Variants in FYTTD1 observed in about 807,000 individuals in gnomAD.
FYTTD1 encodes UAP56-interacting factor.
In FYTTD1, 22 loss-of-function variants were observed where a neutral mutation model predicts 40.9. That is an observed-to-expected ratio of 0.54 (90% CI 0.38 to 0.77). The LOEUF is 0.77. FYTTD1 is among the 30% of genes least tolerant of loss of function. The probability of loss-of-function intolerance (pLI) is 0.00; values close to 1 mark genes in which losing one functional copy is unlikely to be tolerated. For missense variants in FYTTD1, 351 were observed against 392.2 expected (o/e 0.90, Z 0.89); for synonymous variants, 140 against 137.9 (o/e 1.01, Z -0.10).
intron 2 of FYTTD1, among the ~76,000 whole-genome samples, chr3:197,762,424 A>G (rs1729415081): frequency 6.6e-6 from 1 of 151,622 alleles, no homozygotes; most frequent in Non-Finnish European, 1.5e-5. Context: ...GCTTGTCTCT[A>G]CTAAAAATAT....
intron 2 of FYTTD1, among the ~76,000 whole-genome samples, chr3:197,759,158 C>T (rs551878338): frequency 1.6e-3 from 194 of 122,064 alleles, no homozygotes; most frequent in African/African-American, 4.5e-3. Context: ...AGAGTTGTTC[C>T]TCAGTGGTAG....
chr3:197,764,291 TCTTA>T (rs1377222926), intron 2 of FYTTD1, among the ~76,000 whole-genome samples: 3 of 152,244 alleles, frequency 2.0e-5, no homozygotes, highest in East Asian at 3.8e-4. Flanking sequence ...TATACATTTT[TCTTA>T]CTTTATGTAA....
intron 2 of FYTTD1, among the ~76,000 whole-genome samples, chr3:197,764,860 TG>T (rs575322156): frequency 3.2e-4 from 47 of 148,958 alleles, no homozygotes; most frequent in African/African-American, 1.0e-3. Context: ...TTTTTTTTTT[TG>T]GGGGGGGAGG....
chr3:197,751,126 T>C (rs1302980405), intron 1 of FYTTD1, among the ~76,000 whole-genome samples: 1 of 152,152 alleles, frequency 6.6e-6, no homozygotes, highest in Non-Finnish European at 1.5e-5. Flanking sequence ...GTGATAACTG[T>C]CTTGGAAACC....
rs1729678817 is a variant in FYTTD1, at chr3:197,770,231, C to G, written c.484C>G (p.Gln162Glu). ...AGTAGCAGTTCTCAAGAGACCTAGC[C>G]AGCTAAGCAGAAAGTAAGTGCTCAA... Reference protein sequence around the residue: ...KPVAVLKRPSQLSRKNNIPAN... With the variant: ...KPVAVLKRPSELSRKNNIPAN... The change falls in exon 4 of 9, where the codon CAG (glutamine) becomes GAG (glutamate). Residue 162 changes from glutamine (Q) to glutamate (E), a missense_variant. Physicochemically the swap from Gln to Glu is conservative, Grantham distance 29. Coordinates refer to ENST00000241502, the MANE Select transcript of FYTTD1 (RefSeq NM_032288.7). The G allele has an allele frequency of 6.2e-7, 1 of 1,603,924 alleles. No homozygotes were observed. The highest frequency in any genetic ancestry group is 2.2e-5 in the East Asian group (1 of 44,708).
At chr3:197,769,370 G>A (rs1258717624) in intron 3 of FYTTD1, among the ~76,000 whole-genome samples, 2 of 152,252 alleles carry the variant, frequency 1.3e-5, no homozygotes, top group Admixed American at 6.5e-5. Context: ...AAAGGCGTAA[G>A]CCACGGTGCC....
At position 197,761,685 on chromosome 3, in the gene FYTTD1, C is replaced by T. The variant is rs1729394285; in HGVS notation, c.235+5128C>T. ...CAGGTACCCTTGGGGATCCCTAAGACATGGGGGATCCACAAGATCAAAACT... is the reference window on the plus strand; with the variant it reads ...CAGGTACCCTTGGGGATCCCTAAGATATGGGGGATCCACAAGATCAAAACT... On this transcript the variant is annotated intron_variant, in intron 2 of 8. Transcript: ENST00000241502. Among the ~76,000 whole-genome samples the T allele has an allele frequency of 3.9e-5, 6 of 152,324 alleles. No individual in the cohort carries two copies. In the South Asian group the frequency reaches 1.2e-3, roughly 32 times the overall value.
At position 197,778,361 on chromosome 3, in the gene FYTTD1, G is replaced by C; in HGVS notation, c.755G>C (p.Arg252Pro). Residue 252 changes from arginine (R) to proline (P), a missense_variant, in exon 8 of 9, where the codon CGT (arginine) becomes CCT (proline). By Grantham distance (103) the Arg-to-Pro change is moderately radical (BLOSUM62 -2). Coordinates refer to ENST00000241502, the MANE Select transcript of FYTTD1 (RefSeq NM_032288.7). ...CPVTQKPRLT[R>P]TAVPSFLTKR... is the part of the protein sequence containing the mutation. ...AGAACTCAGAAACCACGATTAACTC[G>C]TACTGCTGTACCTTCATTTTTAACA... 6.2e-7 allele frequency: 1 copy of C among 1,607,266 alleles called. No individual in the cohort carries two copies.
In FYTTD1 at chr3:197,750,047, A is replaced by G; in HGVS notation, c.76A>G (p.Asn26Asp). 1 of 1,580,960 alleles carries G rather than the reference A, an allele frequency of 6.3e-7. No homozygotes were observed. Among genetic ancestry groups the G allele is most frequent in the South Asian group, 1.1e-5 (1 of 87,748 alleles). ...SPPPKARSNENLDKIDMSLDD... is the reference protein window; with the variant it reads ...SPPPKARSNEDLDKIDMSLDD... ...GCCGCCGAAGGCCCGCAGCAATGAAAACCTCGACAAAATAGATATGTCTTT... is the reference window on the plus strand; with the variant it reads ...GCCGCCGAAGGCCCGCAGCAATGAAGACCTCGACAAAATAGATATGTCTTT... The change falls in exon 1 of 9, where the codon AAC (asparagine) becomes GAC (aspartate). Residue 26 changes from asparagine to aspartate, a missense_variant. Coordinates refer to ENST00000241502, the MANE Select transcript of FYTTD1 (RefSeq NM_032288.7).
chr3:197,781,389 G>A lies in FYTTD1; in HGVS notation c.859-422G>A, dbSNP rs550896812. Among the ~76,000 whole-genome samples, 29 of 151,324 alleles carry A rather than the reference G, an allele frequency of 1.9e-4. No homozygotes were observed. In the South Asian group the frequency reaches 5.9e-3, roughly 31 times the overall value. ...TTGCTATTATTGTTTTCCAGAAATG[G>A]TATAGTTTGTAGATGCTGTTGTTAA... is the stretch of plus-strand genomic sequence containing the variant. On this transcript the variant is annotated intron_variant, in intron 8 of 8. Coordinates refer to ENST00000241502, the MANE Select transcript of FYTTD1 (RefSeq NM_032288.7).
chr3:197,752,101 C>A (rs1484803852), intron 1 of FYTTD1, among the ~76,000 whole-genome samples: 1 of 152,210 alleles, frequency 6.6e-6, no homozygotes, highest in African/African-American at 2.4e-5. Flanking sequence ...GTCTCGAACT[C>A]CTGACCTCAG....
intron 8 of FYTTD1, among the ~76,000 whole-genome samples, chr3:197,781,130 A>G (rs1730017081): frequency 6.6e-6 from 1 of 151,802 alleles, no homozygotes; most frequent in Non-Finnish European, 1.5e-5. Flanking sequence ...CCTGGTCAAC[A>G]TGGAAAAACC....
rs1730131105 is a variant in FYTTD1, at chr3:197,785,332, A to G, written c.*3423A>G. 4 of 152,200 alleles carry G rather than the reference A, an allele frequency of 2.6e-5. No homozygotes were observed. The highest frequency in any genetic ancestry group is 2.1e-4 in the South Asian group (1 of 4,826). The allele number at this position is 152,200 out of a possible 1,614,324, so 9.4% of individuals were successfully genotyped here. A position where few individuals can be genotyped will look rare whatever the true frequency, so the allele number is the denominator to read the frequency against. ...ATCTGTGTAAACGAAAAGTTGGCCC[A>G]CTGTGTACATGGATTTTCCATTCCA... On this transcript the variant is annotated 3_prime_UTR_variant, in exon 9 of 9. Transcript: ENST00000241502.
At chr3:197,764,493 A>C (rs1484857447) in intron 2 of FYTTD1, among the ~76,000 whole-genome samples, 1 of 152,110 alleles carries the variant, frequency 6.6e-6, no homozygotes, top group Non-Finnish European at 1.5e-5. Flanking sequence ...GCAGATTACG[A>C]GGTCAGGAGT....
chr3:197,775,516 C>G (rs1262555350), intron 6 of FYTTD1, among the ~76,000 whole-genome samples: 1 of 151,726 alleles, frequency 6.6e-6, no homozygotes, highest in African/African-American at 2.4e-5. Context: ...TCCAGGCCCA[C>G]TGAAGAGATT....
intron 6 of FYTTD1, among the ~76,000 whole-genome samples, chr3:197,775,174 G>C (rs1317042666): frequency 3.9e-5 from 6 of 151,996 alleles, no homozygotes; most frequent in Non-Finnish European, 5.9e-5. Context: ...TAGAACATTT[G>C]TACAACTTTA....
At position 197,762,248 on chromosome 3, in the gene FYTTD1, A is replaced by G. The variant is rs150614777; in HGVS notation, c.235+5691A>G. 5.6e-3 allele frequency among the ~76,000 whole-genome samples: 827 copies of G among 146,508 alleles called. 6 individuals carry two copies. Among genetic ancestry groups the G allele is most frequent in the South Asian group, 9.3e-3 (45 of 4,830 alleles). The stretch of plus-strand genomic sequence containing the variant: ...TTAAGGCAGACACCAAAGAGATCCA[A>G]AAACAATATACCACTGTTCTTACTA... On this transcript the variant is annotated intron_variant, in intron 2 of 8. Coordinates refer to ENST00000241502, the MANE Select transcript of FYTTD1 (RefSeq NM_032288.7).
At chr3:197,761,045 T>A (rs910505436) in intron 2 of FYTTD1, among the ~76,000 whole-genome samples, 4 of 147,544 alleles carry the variant, frequency 2.7e-5, no homozygotes, top group African/African-American at 1.1e-4. Flanking sequence ...TGTTCTTCAG[T>A]GGTAGAATGT....
At chr3:197,750,276 G>C (rs763270612) in intron 1 of FYTTD1, 542 of 965,112 alleles carry the variant, frequency 5.6e-4, no homozygotes, top group Non-Finnish European at 6.8e-4. Context: ...GAGGGACCCG[G>C]GCGTCCCCTC....
Sources: gnomAD v4.1 joint callset for allele counts (sites outside exome capture counted in the v4.1 genomes callset) on GRCh38, gnomAD v4.1.1 for gene constraint, MANE v1.5 for transcripts, NCBI Gene and HGNC (gene_info 2026-07-23, HGNC 2026-07-21) for gene names.